The following ARMH3 variants were observed in gnomAD, a reference collection of about 807,000 sequenced individuals.
ARMH3 encodes armadillo-like helical domain-containing protein 3.
In ARMH3, 60 loss-of-function variants were observed where a neutral mutation model predicts 99.1. The ratio of observed to expected loss-of-function variants is 0.61; its 90% CI spans 0.49 to 0.75. The LOEUF (loss-of-function observed/expected upper bound fraction) is 0.75, where lower values mean the gene tolerates loss of function less well. Among genes scored for constraint, ARMH3 ranks in the 30% least tolerant of loss-of-function variants. ARMH3 has a pLI of 0.00. For synonymous variants in ARMH3, 285 were observed against 292.8 expected, an observed-to-expected ratio of 0.97 and a Z score of 0.27; for missense variants, 679 against 843.1, an observed-to-expected ratio of 0.81 and a Z score of 2.41.
chr10:102,011,610 CTT>C (rs1315805998), intron 11 of ARMH3, 111 bp downstream of exon 11: 2 of 826,802 alleles, frequency 2.4e-6, no homozygotes, highest in Non-Finnish European at 3.8e-6. Context: ...CAGCCTCTCT[CTT>C]GTCATCATGC....
At chr10:101,981,490 C>T (rs895621723) in intron 19 of ARMH3, among the ~76,000 whole-genome samples, 5 of 152,146 alleles carry the variant, frequency 3.3e-5, no homozygotes, top group African/African-American at 9.7e-5. Context: ...TGCCTAACAA[C>T]GTACCAAGGA....
At chr10:101,888,772 A>G (rs992491806) in intron 24 of ARMH3, among the ~76,000 whole-genome samples, 2 of 152,258 alleles carry the variant, frequency 1.3e-5, no homozygotes, top group Non-Finnish European at 2.9e-5. Context: ...ATTTTGACAC[A>G]TCAAGTTCAA....
intron 22 of ARMH3, among the ~76,000 whole-genome samples, chr10:101,954,931 G>A (rs1325194089): frequency 6.6e-6 from 1 of 152,086 alleles, no homozygotes; most frequent in East Asian, 1.9e-4. Context: ...TGGCCCAGTT[G>A]AGCAGGTATG....
At chr10:101,957,827 G>T in intron 20 of ARMH3, 95 bp from the exon 21 acceptor site, 1 of 1,453,892 alleles carries the variant, frequency 6.9e-7, no homozygotes, top group Non-Finnish European at 9.1e-7. Context: ...AATCCAGAAG[G>T]TTAGAGTGAG....
intron 23 of ARMH3, among the ~76,000 whole-genome samples, chr10:101,917,081 AT>A (rs1843121278): frequency 6.6e-6 from 1 of 152,148 alleles, no homozygotes; most frequent in Non-Finnish European, 1.5e-5. Flanking sequence ...CCCATAGCCT[AT>A]TTCCTCTTGT....
intron 24 of ARMH3, among the ~76,000 whole-genome samples, chr10:101,861,906 C>G (rs1223890414): frequency 6.9e-6 from 1 of 145,564 alleles, no homozygotes; most frequent in African/African-American, 2.5e-5. Flanking sequence ...AAAAATTAGC[C>G]AGGCGTGGTG....
At chr10:101,948,707 C>T (rs980280102) in intron 22 of ARMH3, among the ~76,000 whole-genome samples, 10 of 151,868 alleles carry the variant, frequency 6.6e-5, no homozygotes, top group Non-Finnish European at 1.2e-4. Context: ...GTAGACAGAA[C>T]AATTTGTGAA....
intron 2 of ARMH3, among the ~76,000 whole-genome samples, chr10:102,037,448 T>TGC (rs1327185914): frequency 2.0e-5 from 3 of 152,314 alleles, no homozygotes; most frequent in Admixed American, 2.0e-4. Flanking sequence ...CCTCACAAAC[T>TGC]GCTGGGATTA....
intron 24 of ARMH3, among the ~76,000 whole-genome samples, chr10:101,883,146 G>A (rs2067457871): frequency 6.6e-6 from 1 of 152,132 alleles, no homozygotes; most frequent in African/African-American, 2.4e-5. Context: ...TGGGTGCAGT[G>A]GCTCACACCT....
At chr10:101,903,871 C>G (rs1352054487) in intron 23 of ARMH3, among the ~76,000 whole-genome samples, 2 of 152,220 alleles carry the variant, frequency 1.3e-5, no homozygotes, top group Non-Finnish European at 1.5e-5. Context: ...TTGCTCAGTA[C>G]TGACTCAAAG....
chr10:101,957,773 C>A (rs769299131), intron 20 of ARMH3, 41 bp from the exon 21 acceptor site: 19 of 1,509,986 alleles, frequency 1.3e-5, no homozygotes, highest in Middle Eastern at 2.0e-4. Flanking sequence ...GCTATTCAAA[C>A]CATGATTAAT....
intron 1 of ARMH3, among the ~76,000 whole-genome samples, chr10:102,054,696 A>G (rs187971697): frequency 2.6e-5 from 4 of 152,266 alleles, no homozygotes; most frequent in Admixed American, 2.0e-4. Flanking sequence ...AGCTCTCACT[A>G]AGCTCAAAAC....
Position 102,041,090 on chromosome 10 carries a change from AAT to A in ARMH3, c.-11-967_-11-966del, listed in dbSNP as rs59124276. ...ATTGTGTGTACATATATATATATAT[AAT>A]ATATATATATATATATATATGTAGG... is the stretch of plus-strand genomic sequence containing the variant. On this transcript the variant is annotated intron_variant, in intron 1 of 25. Coordinates refer to ENST00000370033, the MANE Select transcript of ARMH3 (RefSeq NM_024541.3). 7.8e-3 allele frequency among the ~76,000 whole-genome samples: 1,038 copies of A among 132,582 alleles called. 12 individuals carry two copies. The highest frequency in any genetic ancestry group is 0.014 in the African/African-American group (523 of 37,044). The allele number at this position is 132,582 out of a possible 152,430, so 87.0% of individuals were successfully genotyped here.
intron 1 of ARMH3, among the ~76,000 whole-genome samples, chr10:102,053,527 GC>G: frequency 6.6e-6 from 1 of 151,860 alleles, no homozygotes; most frequent in Non-Finnish European, 1.5e-5. Context: ...AAGCCACCAG[GC>G]CGAGTAAAAA....
At chr10:101,927,390 T>C (rs912548067) in intron 23 of ARMH3, among the ~76,000 whole-genome samples, 2 of 152,176 alleles carry the variant, frequency 1.3e-5, no homozygotes, top group Non-Finnish European at 2.9e-5. Flanking sequence ...TTTACTTACC[T>C]ACCTGGGACC....
intron 19 of ARMH3, among the ~76,000 whole-genome samples, chr10:101,977,038 AG>A (rs1846044115): frequency 6.6e-6 from 1 of 152,152 alleles, no homozygotes; most frequent in Admixed American, 6.5e-5. Flanking sequence ...TTATATTAAA[AG>A]TTAAATTAAA....
intron 22 of ARMH3, among the ~76,000 whole-genome samples, chr10:101,954,091 C>T (rs755052232): frequency 6.6e-6 from 1 of 152,062 alleles, no homozygotes; most frequent in Non-Finnish European, 1.5e-5. Context: ...ACTTTGGAGG[C>T]TAAAGTGGGA....
intron 23 of ARMH3, among the ~76,000 whole-genome samples, chr10:101,900,292 T>C (rs1286257885): frequency 6.6e-6 from 1 of 152,126 alleles, no homozygotes; most frequent in Non-Finnish European, 1.5e-5. Flanking sequence ...CTGGATTTCC[T>C]ATTTCCAGAA....
At position 102,002,042 on chromosome 10, in the gene ARMH3, G is replaced by A; in HGVS notation, c.1079C>T (p.Ala360Val). Residue 360 changes from alanine to valine, a missense_variant, in exon 15 of 26, where the codon GCA becomes GTA. Physicochemically the swap from Ala to Val is moderately conservative, Grantham distance 64. Around this residue, in one of 3 missense-constraint regions of ARMH3, gnomAD observed 389 missense variants for 456.5 expected, o/e 0.85. Transcript: ENST00000370033. ...VISSVELPLD[A>V]DVQTSNLLIT... ...CAGTAGATTACTGGTCTGTACATCTGCATCCAGTGGGAGTTCCACAGAACT... is the reference window on the plus strand; with the variant it reads ...CAGTAGATTACTGGTCTGTACATCTACATCCAGTGGGAGTTCCACAGAACT... 6.2e-7 allele frequency: 1 copy of A among 1,614,114 alleles called. No homozygotes were observed.
Sources: allele counts gnomAD v4.1 joint callset (sites outside exome capture counted in the v4.1 genomes callset), GRCh38; gene constraint gnomAD v4.1.1; regional missense constraint gnomAD v4.1.1; transcripts MANE v1.5; gene names NCBI Gene and HGNC (gene_info 2026-07-23, HGNC 2026-07-21).